Variants in HECTD4 observed in about 807,000 individuals in gnomAD.
HECTD4 encodes probable E3 ubiquitin-protein ligase HECTD4.
In HECTD4, 114 loss-of-function variants were observed where a neutral mutation model predicts 471.5. That is an observed-to-expected ratio of 0.24 (90% CI 0.21 to 0.28). HECTD4 has a LOEUF of 0.28. Among genes scored for constraint, HECTD4 ranks in the 10% least tolerant of loss-of-function variants. The probability of loss-of-function intolerance (pLI) is 1.00; values close to 1 mark genes in which losing one functional copy is unlikely to be tolerated. For missense variants in HECTD4, 3,866 were observed against 5,651.5 expected, an observed-to-expected ratio of 0.68 and a Z score of 10.13; for synonymous variants, 2,012 against 2,256.0, an observed-to-expected ratio of 0.89 and a Z score of 3.07.
chr12:112,367,848 A>AAAAC (rs2036597105), intron 1 of HECTD4, among the ~76,000 whole-genome samples: 2 of 146,780 alleles, frequency 1.4e-5, no homozygotes, highest in East Asian at 4.1e-4. Flanking sequence ...AAAAAAAAAA[A>AAAAC]CGCTAACACG....
At chr12:112,260,781 G>A (rs967054259) in intron 18 of HECTD4, among the ~76,000 whole-genome samples, 11 of 151,250 alleles carry the variant, frequency 7.3e-5, no homozygotes, top group Non-Finnish European at 1.6e-4. Flanking sequence ...TAGAGATGGG[G>A]TTACAGCAGA....
At chr12:112,265,497 A>G (rs959224453) in intron 15 of HECTD4, among the ~76,000 whole-genome samples, 10 of 152,232 alleles carry the variant, frequency 6.6e-5, no homozygotes, top group African/African-American at 2.4e-4. Flanking sequence ...CTACAAAGTC[A>G]AAGTATTTTA....
intron 1 of HECTD4, among the ~76,000 whole-genome samples, chr12:112,339,476 T>C (rs1011262804): frequency 8.6e-5 from 13 of 152,002 alleles, no homozygotes; most frequent in Admixed American, 3.3e-4. Context: ...GGCAGTTTCC[T>C]ATGTGGAAGA....
intron 38 of HECTD4, 76 bp downstream of exon 38, chr12:112,232,928 A>T: frequency 7.5e-7 from 1 of 1,332,594 alleles, no homozygotes; most frequent in Non-Finnish European, 1.0e-6. Context: ...TTGTTTTCTT[A>T]ATTTGTTCTG....
chr12:112,282,112 G>A (rs553464241), intron 8 of HECTD4, among the ~76,000 whole-genome samples: 4 of 152,096 alleles, frequency 2.6e-5, no homozygotes, highest in East Asian at 1.9e-4. Context: ...AGCCAGGCGC[G>A]GTGGCTCACG....
chr12:112,256,485 G>A lies in HECTD4; in HGVS notation c.3162C>T (p.Leu1054=). ...ATGGGGCAGGAATCTTTAAACCAGT[G>A]AGAAATCCTGGCTCTTCCTTCTCTT... The part of the protein sequence containing the change: ...MLEEKEEPGF[L]TGLKIPAPWA... The change falls in exon 21 of 76, where the codon CTC becomes CTT. Residue 1054 remains leucine (L), a synonymous_variant. Transcript: ENST00000682272. 1 of 1,598,228 alleles carries A rather than the reference G, an allele frequency of 6.3e-7. No homozygotes were observed. Among genetic ancestry groups the A allele is most frequent in the African/African-American group, 1.3e-5 (1 of 74,106 alleles).
At chr12:112,214,954 G>A (rs1396208621) in intron 48 of HECTD4, among the ~76,000 whole-genome samples, 1 of 152,164 alleles carries the variant, frequency 6.6e-6, no homozygotes, top group Non-Finnish European at 1.5e-5. Context: ...AGAAGTTTGA[G>A]ACCAGCCTGG....
intron 7 of HECTD4, 108 bp from the exon 8 acceptor site, chr12:112,283,410 C>T (rs144704162): frequency 1.5e-4 from 124 of 813,702 alleles, no homozygotes; most frequent in Admixed American, 9.8e-4. Flanking sequence ...TCAAAAACTG[C>T]TCCTGAGTAG....
intron 1 of HECTD4, among the ~76,000 whole-genome samples, chr12:112,347,520 AAAAG>A (rs1320901295): frequency 1.3e-5 from 2 of 152,170 alleles, no homozygotes; most frequent in African/African-American, 4.8e-5. Flanking sequence ...AAAAACACAA[AAAAG>A]AAAGAAAAGA....
chr12:112,340,756 C>T (rs1305437988), intron 1 of HECTD4, among the ~76,000 whole-genome samples: 1 of 152,062 alleles, frequency 6.6e-6, no homozygotes, highest in East Asian at 1.9e-4. Flanking sequence ...ATATAGAAAG[C>T]CCCTGTTTGC....
chr12:112,318,524 C>A (rs1343092476), intron 2 of HECTD4, among the ~76,000 whole-genome samples: 1 of 152,104 alleles, frequency 6.6e-6, no homozygotes, highest in African/African-American at 2.4e-5. Context: ...CAGGCACCCA[C>A]CACAACGCCC....
intron 54 of HECTD4, among the ~76,000 whole-genome samples, chr12:112,201,675 A>T (rs1357644845): frequency 6.6e-6 from 1 of 152,170 alleles, no homozygotes; most frequent in Non-Finnish European, 1.5e-5. Context: ...ACCAGATGGA[A>T]AATTTTTATT....
chr12:112,376,371 C>A, intron 1 of HECTD4, among the ~76,000 whole-genome samples: 1 of 151,952 alleles, frequency 6.6e-6, no homozygotes, highest in East Asian at 1.9e-4. Context: ...CTCAGCCTCC[C>A]GAGTAGCTGG....
intron 71 of HECTD4, 124 bp downstream of exon 71, chr12:112,167,690 C>T (rs1391109718): frequency 2.8e-6 from 3 of 1,055,952 alleles, no homozygotes; most frequent in Non-Finnish European, 4.3e-6. Context: ...AAGGACCTGT[C>T]CCCACAGATT....
intron 1 of HECTD4, among the ~76,000 whole-genome samples, chr12:112,371,651 C>T (rs917380760): frequency 6.6e-6 from 1 of 151,768 alleles, no homozygotes; most frequent in Non-Finnish European, 1.5e-5. Context: ...CTTTGGGAGG[C>T]CAAGGCAAGC....
At chr12:112,197,387 G>A (rs77522654) in intron 55 of HECTD4, among the ~76,000 whole-genome samples, 12,059 of 152,050 alleles carry the variant, frequency 0.079, 547 homozygotes, top group East Asian at 0.23. Context: ...TGGTAATCAT[G>A]GCTCACTGCA....
chr12:112,298,927 T>C (rs2035103821), intron 7 of HECTD4, among the ~76,000 whole-genome samples: 1 of 151,078 alleles, frequency 6.6e-6, no homozygotes, highest in Non-Finnish European at 1.5e-5. Context: ...AGGCATGAGC[T>C]ACCATGCCCA....
At chr12:112,314,321 G>A in intron 3 of HECTD4, 136 bp downstream of exon 3, 2 of 470,864 alleles carry the variant, frequency 4.2e-6, no homozygotes, top group Non-Finnish European at 7.5e-6. Context: ...TTCTTAAGAA[G>A]GTAAATATGA....
intron 9 of HECTD4, among the ~76,000 whole-genome samples, 184 bp from the exon 10 acceptor site, chr12:112,275,144 C>A (rs748428541): frequency 6.6e-6 from 1 of 152,120 alleles, no homozygotes; most frequent in Admixed American, 6.5e-5. Context: ...ACTGTCACCA[C>A]CAGAAATTTT....
Sources: gnomAD v4.1 joint callset for allele counts (sites outside exome capture counted in the v4.1 genomes callset) on GRCh38, gnomAD v4.1.1 for gene constraint, MANE v1.5 for transcripts, NCBI Gene and HGNC (gene_info 2026-07-23, HGNC 2026-07-21) for gene names.